Variants in GNB1L observed in about 807,000 individuals in gnomAD.
GNB1L encodes the protein guanine nucleotide-binding protein subunit beta-like protein 1.
GNB1L carries 20 observed loss-of-function variants against 29.1 expected under a neutral mutation model. The observed-to-expected ratio is 0.69, with a 90% confidence interval of 0.48 to 1.00. The LOEUF is 1.00. Among genes scored for constraint, GNB1L ranks in the 50% least tolerant of loss-of-function variants. GNB1L has a pLI of 0.00. For missense variants in GNB1L, 421 were observed against 464.9 expected, an observed-to-expected ratio of 0.91 and a Z score of 0.87; for synonymous variants, 193 against 206.5, an observed-to-expected ratio of 0.93 and a Z score of 0.56.
chr22:19,837,093 A>G (rs1488583425), intron 2 of GNB1L, among the ~76,000 whole-genome samples: 1 of 151,684 alleles, frequency 6.6e-6, no homozygotes, highest in Non-Finnish European at 1.5e-5. Flanking sequence ...CAGCCTCCTG[A>G]GTAGCTGGGA....
intron 2 of GNB1L, chr22:19,847,747 TCTC>T: frequency 1.0e-6 from 1 of 972,204 alleles, no homozygotes; most frequent in Non-Finnish European, 1.2e-6. Flanking sequence ...AAGGTCCACT[TCTC>T]CATACCTCCA....
rs1937214008 is a variant in GNB1L at position 19,788,602 on chromosome 22, C to A, written c.*107G>T. 1.4e-6 allele frequency: 2 copies of A among 1,384,412 alleles called. No individual in the cohort carries two copies. Among genetic ancestry groups the A allele is most frequent in the Non-Finnish European group, 2.1e-6 (2 of 971,242 alleles). 85.8% of individuals were successfully genotyped at this position (1,384,412 alleles called of 1,614,324 possible). ...AGCGGGGACTCCATGGTCCTTGGGCCATGACTTGCTGGTCCTCAGAGGCCC... is the reference window on the plus strand; with the variant it reads ...AGCGGGGACTCCATGGTCCTTGGGCAATGACTTGCTGGTCCTCAGAGGCCC... On this transcript the variant is annotated 3_prime_UTR_variant, in exon 8 of 8. Coordinates refer to ENST00000329517, the MANE Select transcript of GNB1L (RefSeq NM_053004.3).
intron 5 of GNB1L, among the ~76,000 whole-genome samples, chr22:19,807,028 C>A (rs1182310335): frequency 6.6e-6 from 1 of 152,238 alleles, no homozygotes; most frequent in East Asian, 1.9e-4. Context: ...TGGCCCCTGA[C>A]AGAGCCCACC....
chr22:19,794,838 G>A (rs910763109), intron 7 of GNB1L, among the ~76,000 whole-genome samples: 6 of 152,132 alleles, frequency 3.9e-5, no homozygotes, highest in Non-Finnish European at 7.4e-5. Flanking sequence ...AAAATTAGCC[G>A]GGTGTGGTGG....
At chr22:19,810,603 A>G (rs936299566) in intron 5 of GNB1L, among the ~76,000 whole-genome samples, 3 of 152,156 alleles carry the variant, frequency 2.0e-5, no homozygotes, top group African/African-American at 7.2e-5. Context: ...GGAGCCTCCT[A>G]CAGACACCCA....
intron 4 of GNB1L, among the ~76,000 whole-genome samples, chr22:19,818,904 C>T (rs1014875150): frequency 5.3e-5 from 8 of 152,176 alleles, no homozygotes; most frequent in Non-Finnish European, 7.4e-5. Context: ...TGTTGTCAGC[C>T]CCCTGCAGGC....
At chr22:19,792,781 C>T in intron 7 of GNB1L, 3 of 1,463,344 alleles carry the variant, frequency 2.1e-6, no homozygotes, top group Non-Finnish European at 2.8e-6. Context: ...GACGTGGATC[C>T]CATCGAGCTG....
At chr22:19,832,106 G>A (rs1409645454) in intron 2 of GNB1L, among the ~76,000 whole-genome samples, 1 of 152,136 alleles carries the variant, frequency 6.6e-6, no homozygotes, top group South Asian at 2.1e-4. Flanking sequence ...GAGGTGGGAG[G>A]ATCACTTGAG....
At position 19,792,785 on chromosome 22, in the gene GNB1L, C is replaced by T. The variant is rs548027730; in HGVS notation, c.733-3825G>A. ...TGATTGCAGACGACGTGGATCCCAT[C>T]GAGCTGGTTGTCTTCTTGCCTGCCT... On this transcript the variant is annotated intron_variant, in intron 7 of 7. Transcript: ENST00000329517. 32 of 1,446,460 alleles carry T rather than the reference C, an allele frequency of 2.2e-5. No homozygotes were observed. In the African/African-American group the frequency reaches 3.1e-4, roughly 14 times the overall value. 89.6% of individuals were successfully genotyped at this position (1,446,460 alleles called of 1,614,324 possible). A position where few individuals can be genotyped will look rare whatever the true frequency, so the allele number is the denominator to read the frequency against.
At chr22:19,841,502 G>A (rs770676249) in intron 2 of GNB1L, among the ~76,000 whole-genome samples, 2 of 152,066 alleles carry the variant, frequency 1.3e-5, no homozygotes, top group Admixed American at 6.6e-5. Flanking sequence ...AGTTATGGTG[G>A]TGCCCGCCAT....
rs535372598 is a variant in GNB1L at position 19,800,803 on chromosome 22, C to T, written c.732+1198G>A. ...CAGGGCACTGGGGCCGCTCACAGAA[C>T]CCTGCCCCTCTGTGTATCCTAGTCT... is the stretch of plus-strand genomic sequence containing the variant. On this transcript the variant is annotated intron_variant, in intron 7 of 7. Coordinates refer to ENST00000329517, the MANE Select transcript of GNB1L (RefSeq NM_053004.3). 9.8e-5 allele frequency among the ~76,000 whole-genome samples: 15 copies of T among 152,354 alleles called. No individual in the cohort carries two copies. In the South Asian group the frequency reaches 2.1e-3, roughly 21 times the overall value.
Position 19,851,971 on chromosome 22 carries a change from G to A in GNB1L, c.-21+2472C>T, listed in dbSNP as rs764052748. On this transcript the variant is annotated intron_variant, in intron 2 of 7. Coordinates refer to ENST00000329517, the MANE Select transcript of GNB1L (RefSeq NM_053004.3). ...TGCCTGGGTCTGAGCCTGGTACCCA[G>A]CAGAAGTCCACCCTGTGGGGTCGGG... 15 of 1,614,112 alleles carry A rather than the reference G, an allele frequency of 9.3e-6. No homozygotes were observed. In the Admixed American group the frequency reaches 2.5e-4, roughly 27 times the overall value.
chr22:19,825,437 T>C lies in GNB1L; in HGVS notation c.-20-4062A>G, dbSNP rs149300792. Among the ~76,000 whole-genome samples, 681 of 150,934 alleles carry C rather than the reference T, an allele frequency of 4.5e-3. 5 individuals are homozygous for C. The highest frequency in any genetic ancestry group is 0.034 in the Middle Eastern group (10 of 290). Reference sequence around the variant, plus strand: ...GAGTTCAAGACCAGCCTGGGCAACATAGGGAGACCTTGCCTTTACAAAAAA... The same window carrying C: ...GAGTTCAAGACCAGCCTGGGCAACACAGGGAGACCTTGCCTTTACAAAAAA... On this transcript the variant is annotated intron_variant, in intron 2 of 7. Transcript: ENST00000329517.
At chr22:19,799,785 C>T (rs958900403) in intron 7 of GNB1L, among the ~76,000 whole-genome samples, 3 of 152,214 alleles carry the variant, frequency 2.0e-5, no homozygotes, top group African/African-American at 7.2e-5. Flanking sequence ...GTGGCAAGAA[C>T]GCTCTCAGGC....
At chr22:19,810,365 G>A (rs1478413572) in intron 5 of GNB1L, among the ~76,000 whole-genome samples, 3 of 152,230 alleles carry the variant, frequency 2.0e-5, no homozygotes, top group Non-Finnish European at 4.4e-5. Context: ...AGGCCAGTGA[G>A]GGCAGGGGCA....
chr22:19,835,341 T>A (rs562410813), intron 2 of GNB1L, among the ~76,000 whole-genome samples: 1 of 146,588 alleles, frequency 6.8e-6, no homozygotes, highest in African/African-American at 2.5e-5. Flanking sequence ...AGATAGGCCA[T>A]ATCCTGGGTC....
Position 19,851,783 on chromosome 22 carries a change from C to T in GNB1L, c.-21+2660G>A. 5 of 1,613,588 alleles carry T rather than the reference C, an allele frequency of 3.1e-6. No individual in the cohort carries two copies. In the African/African-American group the frequency reaches 5.3e-5, roughly 17 times the overall value. On this transcript the variant is annotated intron_variant, in intron 2 of 7. Transcript: ENST00000329517. The stretch of plus-strand genomic sequence containing the variant: ...GTAATCGTCAGGCAGGGGCAGGTCC[C>T]CATCAAGGTAGGGGGCTGCCCAGGC...
chr22:19,807,921 C>A (rs763167031), intron 5 of GNB1L, among the ~76,000 whole-genome samples: 16 of 152,232 alleles, frequency 1.1e-4, no homozygotes, highest in Non-Finnish European at 7.3e-5. Flanking sequence ...CACCTCCGGG[C>A]AGGGCAGAGA....
At chr22:19,845,235 C>G (rs996359968) in intron 2 of GNB1L, among the ~76,000 whole-genome samples, 1 of 152,260 alleles carries the variant, frequency 6.6e-6, no homozygotes, top group Non-Finnish European at 1.5e-5. Flanking sequence ...CTTACATATG[C>G]ATGCCAGCAA....
Sources: allele counts gnomAD v4.1 joint callset (sites outside exome capture counted in the v4.1 genomes callset), GRCh38; gene constraint gnomAD v4.1.1; transcripts MANE v1.5; gene names NCBI Gene and HGNC (gene_info 2026-07-23, HGNC 2026-07-21).